The following CALCOCO2 variants were observed in gnomAD, a reference collection of about 807,000 sequenced individuals.
The protein encoded by CALCOCO2 is calcium binding and coiled-coil domain 2.
A neutral mutation model predicts 62.5 loss-of-function variants in CALCOCO2; 42 were observed. That is an observed-to-expected ratio of 0.67 (90% CI 0.53 to 0.87). The LOEUF (loss-of-function observed/expected upper bound fraction) is 0.87, where lower values mean the gene tolerates loss of function less well. Ranked by LOEUF, CALCOCO2 falls within the 40% of genes least tolerant of loss-of-function variation. The probability of loss-of-function intolerance (pLI) is 0.00; values close to 1 mark genes in which losing one functional copy is unlikely to be tolerated. For synonymous variants in CALCOCO2, 167 were observed against 173.0 expected (o/e 0.97, Z 0.27); for missense variants, 456 against 515.0 (o/e 0.89, Z 1.11).
At chr17:48,851,697 A>G (rs2040132152) in intron 7 of CALCOCO2, 69 bp downstream of exon 7, 2 of 894,268 alleles carry the variant, frequency 2.2e-6, no homozygotes, top group Non-Finnish European at 3.8e-6. Context: ...TTGGTGGCCT[A>G]GAAAGATGTA....
chr17:48,837,883 G>T (rs1236598505), intron 1 of CALCOCO2, among the ~76,000 whole-genome samples: 1 of 152,116 alleles, frequency 6.6e-6, no homozygotes, highest in Admixed American at 6.6e-5. Flanking sequence ...ATAGGATGGG[G>T]CTAGAATAAG....
intron 1 of CALCOCO2, among the ~76,000 whole-genome samples, chr17:48,840,641 C>T (rs2039964173): frequency 6.6e-6 from 1 of 152,140 alleles, no homozygotes; most frequent in Non-Finnish European, 1.5e-5. Context: ...AATCCTAATC[C>T]TCTTTGAGGG....
intron 11 of CALCOCO2, 89 bp downstream of exon 11, chr17:48,860,538 CCAG>C: frequency 8.5e-7 from 1 of 1,175,730 alleles, no homozygotes; most frequent in Non-Finnish European, 1.2e-6. Flanking sequence ...CTAATTAAGA[CCAG>C]TCTCATTGTT....
At chr17:48,856,777 T>G (rs2040221724) in intron 10 of CALCOCO2, among the ~76,000 whole-genome samples, 1 of 151,468 alleles carries the variant, frequency 6.6e-6, no homozygotes, top group African/African-American at 2.4e-5. Flanking sequence ...TTCTTTCTTT[T>G]CTTTTTTTTT....
intron 4 of CALCOCO2, chr17:48,848,827 C>T (rs1002206197): frequency 8.2e-6 from 4 of 485,014 alleles, no homozygotes; most frequent in African/African-American, 1.9e-5. Context: ...GTCTGTCATA[C>T]GTGAGTATTA....
rs1598038014 is a variant in CALCOCO2 at position 48,851,460 on chromosome 17, C to T, written c.633-99C>T. Reference sequence around the variant, plus strand: ...GAGACTAGTAGATTTTTAAATAATTCTGCAGGCTTAGGGCCAAGCCAGCCT... The same window carrying T: ...GAGACTAGTAGATTTTTAAATAATTTTGCAGGCTTAGGGCCAAGCCAGCCT... On this transcript the variant is annotated intron_variant, in intron 6 of 12. Coordinates refer to ENST00000258947, the MANE Select transcript of CALCOCO2 (RefSeq NM_005831.5). The T allele has an allele frequency of 4.5e-5, 34 of 756,032 alleles. No individual in the cohort carries two copies. The East Asian group carries it at 8.6e-4, about 19-fold the overall frequency. 46.8% of individuals were successfully genotyped at this position (756,032 alleles called of 1,614,324 possible).
chr17:48,850,456 C>A (rs1048422918), intron 5 of CALCOCO2, among the ~76,000 whole-genome samples: 2 of 150,286 alleles, frequency 1.3e-5, no homozygotes, highest in African/African-American at 4.9e-5. Context: ...GACTTTATCT[C>A]AAAAAAAATT....
chr17:48,837,342 C>T (rs143837738), intron 1 of CALCOCO2, among the ~76,000 whole-genome samples: 2 of 152,124 alleles, frequency 1.3e-5, no homozygotes, highest in East Asian at 3.9e-4. Flanking sequence ...AACATTCCCC[C>T]ACCGTTGAAA....
intron 9 of CALCOCO2, among the ~76,000 whole-genome samples, chr17:48,854,378 T>TTTTATATATATATATATATATA (rs1489635512): frequency 5.8e-4 from 7 of 12,152 alleles, no homozygotes; most frequent in Non-Finnish European, 1.2e-3. Context: ...TGGTTTTCTT[T>TTTTATATATATATATATATATA]TATTTATATA....
chr17:48,858,046 A>ACAGAACAGAACAG, intron 10 of CALCOCO2, among the ~76,000 whole-genome samples: 1 of 40,038 alleles, frequency 2.5e-5, no homozygotes, highest in Non-Finnish European at 4.9e-5. Context: ...ATAGAATAGA[A>ACAGAACAGAACAG]AATAGAATAG....
chr17:48,841,881 C>T lies in CALCOCO2; in HGVS notation c.174C>T (p.Ile58=). The change falls in exon 2 of 13, where the codon ATC becomes ATT. Residue 58 remains isoleucine, a synonymous_variant. Coordinates refer to ENST00000258947, the MANE Select transcript of CALCOCO2 (RefSeq NM_005831.5). ...CTCGTCGAAAGGATTGGATTGGCAT[C>T]TTTAGAGTAAGTGGTTAATTCAGTA... is the stretch of plus-strand genomic sequence containing the variant. ...FIPRRKDWIG[I]FRVGWKTTRE... is the part of the protein sequence containing the mutation. 2 of 1,609,408 alleles carry T rather than the reference C, an allele frequency of 1.2e-6. No individual in the cohort carries two copies. The highest frequency in any genetic ancestry group is 1.7e-6 in the Non-Finnish European group (2 of 1,177,232).
intron 10 of CALCOCO2, chr17:48,856,549 C>T (rs1010002539): frequency 2.2e-6 from 1 of 457,262 alleles, no homozygotes; most frequent in African/African-American, 2.0e-5. Flanking sequence ...TTCAGCACAA[C>T]TTTTTCCTTT....
intron 10 of CALCOCO2, among the ~76,000 whole-genome samples, chr17:48,858,627 G>A (rs558968110): frequency 6.6e-6 from 1 of 151,994 alleles, no homozygotes; most frequent in Admixed American, 6.5e-5. Context: ...ACTGTGTCCG[G>A]CCTATTCCCA....
intron 11 of CALCOCO2, among the ~76,000 whole-genome samples, chr17:48,861,643 A>G (rs1222077813): frequency 1.6e-3 from 34 of 20,650 alleles, no homozygotes; most frequent in African/African-American, 4.4e-3. Flanking sequence ...ATATATGTAT[A>G]TATATATATG....
chr17:48,849,108 C>A, intron 4 of CALCOCO2, 144 bp from the exon 5 acceptor site: 1 of 704,250 alleles, frequency 1.4e-6, no homozygotes, highest in Non-Finnish European at 2.5e-6. Context: ...ATACCCTTAC[C>A]TAGGTATTAA....
At chr17:48,841,981 A>G in intron 2 of CALCOCO2, 94 bp downstream of exon 2, 1 of 878,142 alleles carries the variant, frequency 1.1e-6, no homozygotes, top group Non-Finnish European at 1.7e-6. Flanking sequence ...AGCATTTTGT[A>G]TAATATGTGT....
At chr17:48,835,908 C>T (rs925643870) in intron 1 of CALCOCO2, among the ~76,000 whole-genome samples, 2 of 152,142 alleles carry the variant, frequency 1.3e-5, no homozygotes, top group African/African-American at 4.8e-5. Flanking sequence ...TACCACCACG[C>T]CCGGCTAATT....
chr17:48,856,661 ATT>A (rs2040219726), intron 10 of CALCOCO2: 5 of 453,626 alleles, frequency 1.1e-5, no homozygotes, highest in Non-Finnish European at 2.2e-5. Context: ...TCATTCATTC[ATT>A]CATTCATTGG....
At chr17:48,841,013 C>T (rs1256180025) in intron 1 of CALCOCO2, among the ~76,000 whole-genome samples, 1 of 152,120 alleles carries the variant, frequency 6.6e-6, no homozygotes, top group African/African-American at 2.4e-5. Flanking sequence ...TCACTTATGC[C>T]TCACAAAAAA....
Sources: allele counts gnomAD v4.1 joint callset (sites outside exome capture counted in the v4.1 genomes callset), GRCh38; gene constraint gnomAD v4.1.1; transcripts MANE v1.5; gene names NCBI Gene and HGNC (gene_info 2026-07-23, HGNC 2026-07-21).